PTPRB: variants seen among roughly 807,000 people sequenced by gnomAD.
PTPRB encodes protein tyrosine phosphatase receptor type B.
PTPRB carries 97 observed loss-of-function variants against 238.1 expected under a neutral mutation model. The ratio of observed to expected loss-of-function variants is 0.41; its 90% CI spans 0.35 to 0.48. The LOEUF is 0.48. Among genes scored for constraint, PTPRB ranks in the 20% least tolerant of loss-of-function variants. The pLI is 0.30. For synonymous variants in PTPRB, 970 were observed against 995.4 expected (o/e 0.97, Z 0.48); for missense variants, 2,292 against 2,681.9 (o/e 0.85, Z 3.21).
At chr12:70,558,635 A>G (rs12316571) in intron 18 of PTPRB, among the ~76,000 whole-genome samples, 30,516 of 152,132 alleles carry the variant, frequency 0.2, 3,218 homozygotes, top group South Asian at 0.3. Context: ...ACAGCAGTAT[A>G]TGCTAACTAT....
intron 4 of PTPRB, among the ~76,000 whole-genome samples, chr12:70,600,518 T>C (rs1186003051): frequency 1.3e-5 from 2 of 152,248 alleles, no homozygotes; most frequent in East Asian, 3.8e-4. Flanking sequence ...GGTTTGCTAC[T>C]GTAGCATAGT....
chr12:70,518,915 G>A lies in PTPRB; in HGVS notation c.*2574C>T. On this transcript the variant is annotated 3_prime_UTR_variant, in exon 34 of 34. Transcript: ENST00000334414. ...AGGATGCCCACCAAGACAGGAAATGGAGTGTTTACCAAGACATAACACATG... is the reference window on the plus strand; with the variant it reads ...AGGATGCCCACCAAGACAGGAAATGAAGTGTTTACCAAGACATAACACATG... The A allele has an allele frequency of 6.6e-6, 1 of 152,012 alleles. No homozygotes were observed. Among genetic ancestry groups the A allele is most frequent in the East Asian group, 1.9e-4 (1 of 5,178 alleles). 9.4% of individuals were successfully genotyped at this position (152,012 alleles called of 1,614,324 possible). A position where few individuals can be genotyped will look rare whatever the true frequency, so the allele number is the denominator to read the frequency against.
chr12:70,592,492 G>A lies in PTPRB; in HGVS notation c.1570C>T (p.Leu524=). 1.9e-6 allele frequency: 3 copies of A among 1,613,762 alleles called. No individual in the cohort carries two copies. The highest frequency in any genetic ancestry group is 2.2e-5 in the East Asian group (1 of 44,872). The change falls in exon 7 of 34, where the codon CTA becomes TTA. Residue 524 remains leucine (L), a synonymous_variant. Transcript: ENST00000334414. ...GGAGGTCTTTGCCATTTGACTTTTA[G>A]AGAGGTCAAACTGCCATCATTTGTC... ...KVTNDGSLTS[L]KVKWQRPPGN... is the part of the protein sequence containing the mutation.
intron 9 of PTPRB, among the ~76,000 whole-genome samples, chr12:70,585,591 TGAA>T (rs1338930046): frequency 6.6e-6 from 1 of 152,174 alleles, no homozygotes; most frequent in Non-Finnish European, 1.5e-5. Flanking sequence ...TGCCACCTTG[TGAA>T]GAAGGTGCCT....
intron 26 of PTPRB, chr12:70,539,424 T>G: frequency 1.7e-6 from 1 of 586,616 alleles, no homozygotes; most frequent in Non-Finnish European, 3.0e-6. Flanking sequence ...GCTGTGTTAT[T>G]CTGGAGCTCA....
intron 16 of PTPRB, among the ~76,000 whole-genome samples, chr12:70,562,294 A>AT (rs146346173): frequency 6.6e-6 from 1 of 151,112 alleles, no homozygotes; most frequent in Non-Finnish European, 1.5e-5. Context: ...CCCCCAAAAC[A>AT]TTTTTTTTTG....
intron 32 of PTPRB, 83 bp downstream of exon 32, chr12:70,531,952 G>T: frequency 6.7e-7 from 1 of 1,493,158 alleles, no homozygotes; most frequent in African/African-American, 1.4e-5. Context: ...ATTTCCCCTT[G>T]TCAGATTAAG....
chr12:70,545,854 A>G (rs1875878616), intron 21 of PTPRB, among the ~76,000 whole-genome samples: 1 of 152,178 alleles, frequency 6.6e-6, no homozygotes, highest in South Asian at 2.1e-4. Context: ...ATAAGGAGAC[A>G]GGCTGGGAGC....
chr12:70,535,966 A>G (rs2136237100), intron 29 of PTPRB, 59 bp downstream of exon 29: 1 of 1,599,566 alleles, frequency 6.3e-7, no homozygotes, highest in South Asian at 1.1e-5. Flanking sequence ...ATGATGGGGC[A>G]GAATTCTATC....
Position 70,559,488 on chromosome 12 carries a change from G to A in PTPRB, c.4569C>T (p.Val1523=). The A allele has an allele frequency of 1.9e-6, 3 of 1,614,000 alleles. No homozygotes were observed. The highest frequency in any genetic ancestry group is 2.5e-6 in the Non-Finnish European group (3 of 1,179,888). ...ATTTTCTGTTGTTGTAGGGGTTGAAGACAGTAAGTGCATCTCTGGGCAACC... is the reference window on the plus strand; with the variant it reads ...ATTTTCTGTTGTTGTAGGGGTTGAAAACAGTAAGTGCATCTCTGGGCAACC... ...LQWLPRDALT[V]FNPYNNRKSE... is the part of the protein sequence containing the mutation. The change falls in exon 18 of 34, where the codon GTC becomes GTT. Residue 1523 remains valine, a synonymous_variant. Coordinates refer to ENST00000334414, the MANE Select transcript of PTPRB (RefSeq NM_001109754.4).
chr12:70,615,663 C>T (rs1012751530), intron 3 of PTPRB, among the ~76,000 whole-genome samples: 3 of 152,182 alleles, frequency 2.0e-5, no homozygotes, highest in African/African-American at 7.2e-5. Context: ...TTCCTGCCAC[C>T]CCACCCTTGG....
Position 70,560,658 on chromosome 12 carries a change from C to T in PTPRB, c.4432+13G>A. The T allele has an allele frequency of 6.2e-7, 1 of 1,611,760 alleles. No individual in the cohort carries two copies. The highest frequency in any genetic ancestry group is 8.5e-7 in the Non-Finnish European group (1 of 1,178,418). The stretch of plus-strand genomic sequence containing the variant: ...CCCACCATCCCTTGGCCATTGGCAC[C>T]TGGGCTTCTCACCTGTTCTGCTCTC... On this transcript the variant is annotated intron_variant, in intron 17 of 33. Coordinates refer to ENST00000334414, the MANE Select transcript of PTPRB (RefSeq NM_001109754.4). The surrounding 1 kb of genome is among the most constrained non-coding windows in gnomAD (Gnocchi z 4.2).
At chr12:70,524,821 ATG>A (rs957680557) in intron 32 of PTPRB, among the ~76,000 whole-genome samples, 39 of 151,714 alleles carry the variant, frequency 2.6e-4, no homozygotes, top group Admixed American at 3.9e-4. Flanking sequence ...TTATATATAT[ATG>A]TGTGTGTGCA....
chr12:70,564,985 C>CTTT (rs2136347489), intron 15 of PTPRB, among the ~76,000 whole-genome samples: 1 of 151,938 alleles, frequency 6.6e-6, no homozygotes, highest in South Asian at 2.1e-4. Flanking sequence ...CCTCCTACAT[C>CTTT]TTTTACTTAT....
intron 10 of PTPRB, among the ~76,000 whole-genome samples, chr12:70,578,107 C>T (rs1423043548): frequency 2.0e-5 from 3 of 152,026 alleles, no homozygotes; most frequent in South Asian, 2.1e-4. Flanking sequence ...AAAATAGATA[C>T]AAAATTTGTT....
intron 24 of PTPRB, 42 bp from the exon 25 acceptor site, chr12:70,539,886 T>A (rs941810643): frequency 6.3e-7 from 1 of 1,578,702 alleles, no homozygotes; most frequent in African/African-American, 1.4e-5. Flanking sequence ...GTTAGCAAAT[T>A]TCACATAATA....
At position 70,520,043 on chromosome 12, in the gene PTPRB, C is replaced by G. The variant is rs552977610; in HGVS notation, c.*1446G>C. 6.1e-6 allele frequency: 2 copies of G among 327,168 alleles called. No homozygotes were observed. The highest frequency in any genetic ancestry group is 2.2e-5 in the African/African-American group (1 of 45,622). 20.3% of individuals were successfully genotyped at this position (327,168 alleles called of 1,614,324 possible). A position where few individuals can be genotyped will look rare whatever the true frequency, so the allele number is the denominator to read the frequency against. On this transcript the variant is annotated 3_prime_UTR_variant, in exon 34 of 34. Transcript: ENST00000334414. ...TATATACTTTGAAAAGAAATATACT[C>G]TTTATGCAAAGGAAGCTATGCCATC...
At chr12:70,573,848 A>G (rs907593259) in intron 11 of PTPRB, among the ~76,000 whole-genome samples, 2 of 152,080 alleles carry the variant, frequency 1.3e-5, no homozygotes, top group African/African-American at 4.8e-5. Context: ...CTAATATATG[A>G]ACGAAACCAT....
chr12:70,629,958 C>G (rs1004480742), intron 2 of PTPRB, among the ~76,000 whole-genome samples: 9 of 152,148 alleles, frequency 5.9e-5, no homozygotes, highest in South Asian at 2.1e-4. Context: ...AATTAATAGC[C>G]TACCAACCAA....
Sources: gnomAD v4.1 joint callset for allele counts (sites outside exome capture counted in the v4.1 genomes callset) on GRCh38, gnomAD v4.1.1 for gene constraint, Gnocchi (gnomAD v3.1) non-coding constraint, MANE v1.5 for transcripts, NCBI Gene and HGNC (gene_info 2026-07-23, HGNC 2026-07-21) for gene names.